SMC5: variants seen among roughly 807,000 people sequenced by gnomAD.
SMC5 encodes the protein structural maintenance of chromosomes 5.
A neutral mutation model predicts 148.3 loss-of-function variants in SMC5; 88 were observed. The observed-to-expected ratio is 0.59, with a 90% CI of 0.50 to 0.71. The LOEUF (loss-of-function observed/expected upper bound fraction) is 0.71. Ranked by LOEUF, SMC5 falls within the 30% of genes least tolerant of loss-of-function variation. The pLI, the probability that SMC5 is intolerant of heterozygous loss-of-function variation, is 0.00. For missense variants in SMC5, 1,142 were observed against 1,298.9 expected, an observed-to-expected ratio of 0.88 and a Z score of 1.86; for synonymous variants, 421 against 432.8, an observed-to-expected ratio of 0.97 and a Z score of 0.34.
chr9:70,311,515 C>A (rs769612776), intron 11 of SMC5: 1 of 151,944 alleles, frequency 6.6e-6, no homozygotes, highest in Non-Finnish European at 1.5e-5. Context: ...AGAGACACAA[C>A]GAGATGAGCA....
At chr9:70,345,375 CA>C (rs2036641401) in intron 18 of SMC5, among the ~76,000 whole-genome samples, 1 of 151,704 alleles carries the variant, frequency 6.6e-6, no homozygotes, top group Non-Finnish European at 1.5e-5. Flanking sequence ...AAACACAAAT[CA>C]AAAATCAGAT....
At chr9:70,340,348 C>T (rs892782501) in intron 17 of SMC5, among the ~76,000 whole-genome samples, 2 of 151,432 alleles carry the variant, frequency 1.3e-5, no homozygotes, top group African/African-American at 4.9e-5. Flanking sequence ...TAGTATTATT[C>T]CCATTATTTT....
At position 70,309,872 on chromosome 9, in the gene SMC5, C is replaced by G. The variant is rs142012399; in HGVS notation, c.1578+4512C>G. Reference sequence around the variant, plus strand: ...ATGATGAATCTTTTTTAGGGGGAGACAGGGTCTTGCTCTGTTACCCAGGCT... The same window carrying G: ...ATGATGAATCTTTTTTAGGGGGAGAGAGGGTCTTGCTCTGTTACCCAGGCT... On this transcript the variant is annotated intron_variant, in intron 11 of 24. Coordinates refer to ENST00000361138, the MANE Select transcript of SMC5 (RefSeq NM_015110.4). Among the ~76,000 whole-genome samples, 363 of 152,276 alleles carry G rather than the reference C, an allele frequency of 2.4e-3. 2 individuals are homozygous for G. Among genetic ancestry groups the G allele is most frequent in the African/African-American group, 8.4e-3 (349 of 41,550 alleles).
At chr9:70,318,013 T>C (rs1265213254) in intron 13 of SMC5, among the ~76,000 whole-genome samples, 2 of 151,666 alleles carry the variant, frequency 1.3e-5, no homozygotes, top group East Asian at 1.9e-4. Flanking sequence ...CTTGGGAGAG[T>C]TGTATAGTAG....
intron 3 of SMC5, among the ~76,000 whole-genome samples, chr9:70,274,163 G>T (rs763272069): frequency 6.6e-6 from 1 of 152,142 alleles, no homozygotes; most frequent in African/African-American, 2.4e-5. Flanking sequence ...CTCACTGCAG[G>T]CTCCGCCTCC....
At chr9:70,330,193 C>G (rs1190491338) in intron 17 of SMC5, among the ~76,000 whole-genome samples, 2 of 152,186 alleles carry the variant, frequency 1.3e-5, no homozygotes, top group African/African-American at 4.8e-5. Context: ...TTTCTCACCT[C>G]AGCATTATTG....
chr9:70,305,429 C>A, intron 11 of SMC5, 69 bp downstream of exon 11: 1 of 893,830 alleles, frequency 1.1e-6, no homozygotes, highest in South Asian at 1.5e-5. Context: ...GTTTTAAATT[C>A]ACTAGAGCAA....
intron 3 of SMC5, among the ~76,000 whole-genome samples, chr9:70,275,018 C>T (rs2034549615): frequency 6.6e-6 from 1 of 151,956 alleles, no homozygotes; most frequent in African/African-American, 2.4e-5. Context: ...CTGATTTTCT[C>T]TCTGGGATCA....
At chr9:70,319,714 A>G (rs2035898332) in intron 15 of SMC5, among the ~76,000 whole-genome samples, 1 of 152,192 alleles carries the variant, frequency 6.6e-6, no homozygotes, top group African/African-American at 2.4e-5. Flanking sequence ...ATTAAAATCC[A>G]TTGCACTTTA....
chr9:70,320,278 G>T (rs907158025), intron 15 of SMC5, among the ~76,000 whole-genome samples: 1 of 152,150 alleles, frequency 6.6e-6, no homozygotes, highest in Non-Finnish European at 1.5e-5. Context: ...TATTCAAGAG[G>T]CCAGGTGCAG....
At chr9:70,288,862 T>C (rs1017960224) in intron 8 of SMC5, among the ~76,000 whole-genome samples, 3 of 152,134 alleles carry the variant, frequency 2.0e-5, no homozygotes, top group African/African-American at 7.2e-5. Context: ...GCTTTTATTG[T>C]GTGTTTGATT....
At chr9:70,304,612 G>A (rs1402823607) in intron 10 of SMC5, among the ~76,000 whole-genome samples, 2 of 152,074 alleles carry the variant, frequency 1.3e-5, no homozygotes, top group Non-Finnish European at 2.9e-5. Context: ...GCTTGAACCC[G>A]GGAGGCAGAG....
At chr9:70,349,533 G>C (rs762683537) in intron 22 of SMC5, among the ~76,000 whole-genome samples, 2 of 152,120 alleles carry the variant, frequency 1.3e-5, no homozygotes, top group African/African-American at 4.8e-5. Flanking sequence ...TACGTGCCAG[G>C]CTTGCTTTTT....
chr9:70,328,565 G>T (rs894260336), intron 17 of SMC5, among the ~76,000 whole-genome samples: 2 of 151,804 alleles, frequency 1.3e-5, no homozygotes, highest in African/African-American at 4.9e-5. Context: ...GCTTTGGGCA[G>T]CTCCACCCCT....
chr9:70,282,707 AC>A, intron 7 of SMC5, 124 bp downstream of exon 7: 1 of 996,314 alleles, frequency 1.0e-6, no homozygotes, highest in Non-Finnish European at 1.4e-6. Flanking sequence ...AAGTTTTTTA[AC>A]CAGGAATTCT....
chr9:70,327,038 T>C (rs1012196568), intron 17 of SMC5, among the ~76,000 whole-genome samples: 2 of 152,110 alleles, frequency 1.3e-5, no homozygotes, highest in African/African-American at 4.8e-5. Context: ...AATAAAACCT[T>C]AAAGCTTTTA....
Position 70,354,402 on chromosome 9 carries a change from CT to C in SMC5, c.*2075del, listed in dbSNP as rs2036863105. ...CACCACACCCAGCTAATTTTTTATA[CT>C]TTTAGTAGAGATGGGGTTTCAGCAT... On this transcript the variant is annotated 3_prime_UTR_variant, in exon 25 of 25. Transcript: ENST00000361138. 6.6e-6 allele frequency: 1 copy of C among 152,000 alleles called. No individual in the cohort carries two copies. Among genetic ancestry groups the C allele is most frequent in the African/African-American group, 2.4e-5 (1 of 41,370 alleles). The allele number at this position is 152,000 out of a possible 1,614,324, so 9.4% of individuals were successfully genotyped here. A position where few individuals can be genotyped will look rare whatever the true frequency, so the allele number is the denominator to read the frequency against.
At chr9:70,341,814 T>A (rs998649739) in intron 17 of SMC5, among the ~76,000 whole-genome samples, 2 of 152,066 alleles carry the variant, frequency 1.3e-5, no homozygotes, top group Non-Finnish European at 2.9e-5. Flanking sequence ...GTTCAACCAT[T>A]GTGGAAGACA....
At chr9:70,282,857 C>T (rs12353188) in intron 7 of SMC5, among the ~76,000 whole-genome samples, 1,983 of 152,136 alleles carry the variant, frequency 0.013, 44 homozygotes, top group African/African-American at 0.045. Context: ...TTCCTGGAAA[C>T]ACTGAGCTCT....
Sources: allele counts gnomAD v4.1 joint callset (sites outside exome capture counted in the v4.1 genomes callset), GRCh38; gene constraint gnomAD v4.1.1; transcripts MANE v1.5; gene names NCBI Gene and HGNC (gene_info 2026-07-23, HGNC 2026-07-21).